POLN: variants seen among roughly 807,000 people sequenced by gnomAD.
POLN encodes DNA polymerase N.
A neutral mutation model predicts 113.5 loss-of-function variants in POLN; 108 were observed. The observed-to-expected ratio is 0.95, with a 90% CI of 0.81 to 1.12. POLN has a LOEUF of 1.12. Ranked by LOEUF, POLN falls within the 50% of genes most tolerant of loss-of-function variation. The pLI, the probability that POLN is intolerant of heterozygous loss-of-function variation, is 0.00. For synonymous variants in POLN, 386 were observed against 391.5 expected, an observed-to-expected ratio of 0.99 and a Z score of 0.17; for missense variants, 1,097 against 1,077.1, an observed-to-expected ratio of 1.02 and a Z score of -0.26.
At chr4:2,095,535 C>T (rs1319744712) in intron 20 of POLN, among the ~76,000 whole-genome samples, 2 of 152,084 alleles carry the variant, frequency 1.3e-5, no homozygotes, top group South Asian at 2.1e-4. Flanking sequence ...TGTGTGTGGA[C>T]GAGGGTCTCC....
At chr4:2,091,654 C>CTGCA (rs1186644857) in intron 20 of POLN, among the ~76,000 whole-genome samples, 1 of 152,182 alleles carries the variant, frequency 6.6e-6, no homozygotes, top group Admixed American at 6.5e-5. Context: ...CCTGAGAGAT[C>CTGCA]TGCATGCTGG....
chr4:2,170,876 C>T, intron 12 of POLN, 102 bp from the exon 13 acceptor site: 1 of 1,080,024 alleles, frequency 9.3e-7, no homozygotes. Flanking sequence ...AAGACACACC[C>T]AAACAGACAT....
At chr4:2,200,867 T>A (rs1038018236) in intron 5 of POLN, among the ~76,000 whole-genome samples, 2 of 151,630 alleles carry the variant, frequency 1.3e-5, no homozygotes, top group African/African-American at 4.9e-5. Flanking sequence ...CAAGAAGAAA[T>A]CCCTGATTTA....
intron 19 of POLN, among the ~76,000 whole-genome samples, chr4:2,103,947 C>A (rs950440605): frequency 2.6e-5 from 4 of 152,144 alleles, no homozygotes; most frequent in Non-Finnish European, 5.9e-5. Flanking sequence ...ACCACTAGAC[C>A]GGCCCTTCAA....
chr4:2,148,478 C>A (rs1322137233), intron 16 of POLN, among the ~76,000 whole-genome samples: 1 of 152,088 alleles, frequency 6.6e-6, no homozygotes, highest in Non-Finnish European at 1.5e-5. Flanking sequence ...ACCAGCCTGA[C>A]CAACATGGTG....
chr4:2,145,593 A>G (rs912288835), intron 16 of POLN, among the ~76,000 whole-genome samples: 5 of 152,222 alleles, frequency 3.3e-5, no homozygotes, highest in Non-Finnish European at 7.3e-5. Context: ...TTAAGTCACA[A>G]TAAGATACTA....
rs1433076658 is a variant in POLN at position 2,241,898 on chromosome 4, A to T, written c.-283-108T>A. ...CCCGCCCCAGCTCCTCGCCCAGCGG[A>T]CCGGGCCCTGATCCCCGGGCAGCTG... On this transcript the variant is annotated intron_variant, in intron 1 of 25. Coordinates refer to ENST00000511885, the MANE Select transcript of POLN (RefSeq NM_181808.4). 4.1e-6 allele frequency: 4 copies of T among 985,334 alleles called. No homozygotes were observed. The Admixed American group carries it at 2.5e-4, about 61-fold the overall frequency. The allele number at this position is 985,334 out of a possible 1,614,324, so 61.0% of individuals were successfully genotyped here.
intron 3 of POLN, among the ~76,000 whole-genome samples, chr4:2,221,165 TCTCA>T (rs960153744): frequency 3.3e-5 from 5 of 152,104 alleles, no homozygotes; most frequent in Non-Finnish European, 7.3e-5. Flanking sequence ...TGAAACAGGG[TCTCA>T]CTCTGTTACC....
At chr4:2,095,293 C>A (rs1730759540) in intron 20 of POLN, among the ~76,000 whole-genome samples, 1 of 152,128 alleles carries the variant, frequency 6.6e-6, no homozygotes, top group South Asian at 2.1e-4. Context: ...AAACCTCTGG[C>A]CTTCAGTCCT....
intron 13 of POLN, among the ~76,000 whole-genome samples, chr4:2,160,880 T>G (rs963713956): frequency 6.6e-6 from 1 of 152,228 alleles, no homozygotes; most frequent in African/African-American, 2.4e-5. Context: ...CAATCTTTAC[T>G]ATTTTGCTTT....
chr4:2,191,869 C>T (rs1733450102), intron 7 of POLN, among the ~76,000 whole-genome samples: 1 of 152,046 alleles, frequency 6.6e-6, no homozygotes, highest in Non-Finnish European at 1.5e-5. Context: ...CAGTGGGTCA[C>T]TTTGGGAGGC....
In POLN at chr4:2,072,995, C is replaced by A. The variant is rs1280841688; in HGVS notation, c.2490G>T (p.Gln830His). 3 of 1,613,576 alleles carry A rather than the reference C, an allele frequency of 1.9e-6. No homozygotes were observed. The highest frequency in any genetic ancestry group is 1.7e-4 in the Middle Eastern group (1 of 6,058). Residue 830 changes from glutamine (Q) to histidine (H), a missense_variant, in exon 25 of 26, where the codon CAG becomes CAT. By Grantham distance (24) the Gln-to-His change is conservative. Transcript: ENST00000511885. The part of the protein sequence containing the change: ...LVRRTMESLE[Q>H]VQALELQLQV... ...GAAGCTGCAGCTCCAATGCCTGCAC[C>A]TGTTCCAAGGACTCCATGGTCCTCC...
chr4:2,094,752 TC>T (rs1730745535), intron 20 of POLN, among the ~76,000 whole-genome samples: 1 of 152,062 alleles, frequency 6.6e-6, no homozygotes, highest in Non-Finnish European at 1.5e-5. Context: ...AAGCTATCCA[TC>T]CACAGTTTTG....
intron 16 of POLN, among the ~76,000 whole-genome samples, chr4:2,153,588 A>AC (rs1257219134): frequency 1.4e-5 from 2 of 145,854 alleles, no homozygotes; most frequent in Admixed American, 1.4e-4. Flanking sequence ...TATTTGTATA[A>AC]TTTTTTTTTT....
At chr4:2,098,560 T>A (rs1730850434) in intron 19 of POLN, among the ~76,000 whole-genome samples, 1 of 152,242 alleles carries the variant, frequency 6.6e-6, no homozygotes, top group Non-Finnish European at 1.5e-5. Context: ...GCTAGAATGA[T>A]CCATGGGTAA....
At chr4:2,078,748 A>C in intron 23 of POLN, 1 of 985,458 alleles carries the variant, frequency 1.0e-6, no homozygotes, top group Non-Finnish European at 1.2e-6. Flanking sequence ...GCATTTTGCT[A>C]TGAGAAGCAT....
At position 2,156,838 on chromosome 4, in the gene POLN, T is replaced by C. The variant is rs1337924258; in HGVS notation, c.1681A>G (p.Thr561Ala). ...GTCACAGTTCCAGTCTGATTCCATG[T>C]AGAGGAAATGGAGCCCTTTATTAGT... ...ACMKKGSISS[T>A]WNQTGTVTGR... is the part of the protein sequence containing the mutation. The change falls in exon 16 of 26, where the codon ACA becomes GCA. Residue 561 changes from threonine to alanine, a missense_variant. Thr to Ala is a moderately conservative substitution (Grantham distance 58, BLOSUM62 0). Coordinates refer to ENST00000511885, the MANE Select transcript of POLN (RefSeq NM_181808.4). 4 of 1,612,146 alleles carry C rather than the reference T, an allele frequency of 2.5e-6. No homozygotes were observed. Among genetic ancestry groups the C allele is most frequent in the Non-Finnish European group, 3.4e-6 (4 of 1,178,268 alleles).
At chr4:2,078,519 G>T (rs1730330043) in intron 23 of POLN, 6 of 857,700 alleles carry the variant, frequency 7.0e-6, no homozygotes, top group Non-Finnish European at 8.4e-6. Context: ...CGCCCAGGCT[G>T]GAGTGAAGTG....
At chr4:2,106,478 G>T (rs1731069503) in intron 19 of POLN, among the ~76,000 whole-genome samples, 1 of 151,914 alleles carries the variant, frequency 6.6e-6, no homozygotes, top group African/African-American at 2.4e-5. Flanking sequence ...TTTTGCCCAG[G>T]GAATAATGCT....
Sources: allele counts gnomAD v4.1 joint callset (sites outside exome capture counted in the v4.1 genomes callset), GRCh38; gene constraint gnomAD v4.1.1; transcripts MANE v1.5; gene names NCBI Gene and HGNC (gene_info 2026-07-23, HGNC 2026-07-21).